The following CASKIN2 variants were observed in gnomAD, a reference collection of about 807,000 sequenced individuals.
CASKIN2 encodes the protein CASK interacting protein 2.
In CASKIN2, 41 loss-of-function variants were observed where a neutral mutation model predicts 107.1. The observed-to-expected ratio is 0.38, with a 90% CI of 0.30 to 0.50. CASKIN2 has a LOEUF of 0.50. Ranked by LOEUF, CASKIN2 falls within the 20% of genes least tolerant of loss-of-function variation. The pLI is 0.92. For missense variants in CASKIN2, 1,546 were observed against 1,657.4 expected, an observed-to-expected ratio of 0.93 and a Z score of 1.17; for synonymous variants, 724 against 705.6, an observed-to-expected ratio of 1.03 and a Z score of -0.41.
Position 75,506,925 on chromosome 17 carries a change from T to C in CASKIN2, c.391-31A>G, listed in dbSNP as rs1486984791. ...GTTGGGGGAGCCGAGTGAGGGGGCC[T>C]GGCCTGTCCGGCACCCCACCCTGCC... On this transcript the variant is annotated intron_variant, in intron 5 of 19. Transcript: ENST00000321617. This position sits in a 1 kb window ranked among gnomAD's most constrained non-coding sequence, Gnocchi z 4.8. 1 of 1,611,924 alleles carries C rather than the reference T, an allele frequency of 6.2e-7. No homozygotes were observed.
In CASKIN2 at chr17:75,505,171, C is replaced by T. The variant is rs1401692185; in HGVS notation, c.931-98G>A. On this transcript the variant is annotated intron_variant, in intron 10 of 19. Transcript: ENST00000321617. The surrounding 1 kb of genome is among the most constrained non-coding windows in gnomAD (Gnocchi z 5.1). ...CTGCGGTCCGGCAACCCTGGTCCAGCTCTTTCCCTACCCCTAAGGAGCTGG... is the reference window on the plus strand; with the variant it reads ...CTGCGGTCCGGCAACCCTGGTCCAGTTCTTTCCCTACCCCTAAGGAGCTGG... The T allele has an allele frequency of 7.5e-7, 1 of 1,341,132 alleles. No homozygotes were observed. Among genetic ancestry groups the T allele is most frequent in the Non-Finnish European group, 1.0e-6 (1 of 958,194 alleles). 83.1% of individuals were successfully genotyped at this position (1,341,132 alleles called of 1,614,324 possible).
chr17:75,506,265 C>A lies in CASKIN2; in HGVS notation c.726+40G>T. 6.5e-7 allele frequency: 1 copy of A among 1,535,568 alleles called. No individual in the cohort carries two copies. Among genetic ancestry groups the A allele is most frequent in the Non-Finnish European group, 9.0e-7 (1 of 1,114,942 alleles). On this transcript the variant is annotated intron_variant, in intron 8 of 19. Transcript: ENST00000321617. The surrounding 1 kb of genome is among the most constrained non-coding windows in gnomAD (Gnocchi z 4.8). The stretch of plus-strand genomic sequence containing the variant: ...GCCAGTCAGGGGCACAGGGCAGAGG[C>A]TCCATGGACACCTGCGAGGGAGCAG...
In CASKIN2 at chr17:75,505,413, G is replaced by T. The variant is rs1374933794; in HGVS notation, c.930+144C>A. 1 of 753,784 alleles carries T rather than the reference G, an allele frequency of 1.3e-6. No individual in the cohort carries two copies. Among genetic ancestry groups the T allele is most frequent in the Non-Finnish European group, 2.3e-6 (1 of 440,396 alleles). The allele number at this position is 753,784 out of a possible 1,614,324, so 46.7% of individuals were successfully genotyped here. ...CATCTGTAAAGAAGAAATGCTAACA[G>T]CACTGCCTTCCCTGGCTTTAAGAAG... On this transcript the variant is annotated intron_variant, in intron 10 of 19. Coordinates refer to ENST00000321617, the MANE Select transcript of CASKIN2 (RefSeq NM_020753.5). This position sits in a 1 kb window ranked among gnomAD's most constrained non-coding sequence, Gnocchi z 5.1.
chr17:75,502,256 G>A lies in CASKIN2; in HGVS notation c.2818C>T (p.Pro940Ser), dbSNP rs746864464. ...TCCCCAGAGCTGCCCCGAGATGGGG[G>A]CGTCCCCTCAGGGCCTGGCTCCTCC... ...EEEEPGPEGT[P>S]PSRGSSGEGL... The change falls in exon 18 of 20, where the codon CCC (proline) becomes TCC (serine). Residue 940 changes from proline (P) to serine (S), a missense_variant. Physicochemically the swap from Pro to Ser is moderately conservative, Grantham distance 74. Coordinates refer to ENST00000321617, the MANE Select transcript of CASKIN2 (RefSeq NM_020753.5). The surrounding 1 kb of genome is among the most constrained non-coding windows in gnomAD (Gnocchi z 4.3). 7.7e-6 allele frequency: 12 copies of A among 1,551,116 alleles called. No individual in the cohort carries two copies. The African/African-American group carries it at 1.1e-4, about 14-fold the overall frequency.
chr17:75,504,686 G>A lies in CASKIN2; in HGVS notation c.1200C>T (p.Asp400=), dbSNP rs1482154574. ...TGCCCTCACTGCCCACACTATTCCT[G>A]TCACCTGCTGTGGGGGGCAGAAGCC... is the stretch of plus-strand genomic sequence containing the variant. ...VGLSPDSPAG[D]RNSVGSEGSV... Residue 400 remains aspartate, a synonymous_variant, in exon 12 of 20, where the codon GAC becomes GAT. Coordinates refer to ENST00000321617, the MANE Select transcript of CASKIN2 (RefSeq NM_020753.5). 9 of 1,594,230 alleles carry A rather than the reference G, an allele frequency of 5.6e-6. No individual in the cohort carries two copies. The highest frequency in any genetic ancestry group is 7.7e-6 in the Non-Finnish European group (9 of 1,167,828).
intron 2 of CASKIN2, among the ~76,000 whole-genome samples, 154 bp from the exon 3 acceptor site, chr17:75,508,439 C>G (rs767147444): frequency 6.6e-6 from 1 of 152,236 alleles, no homozygotes; most frequent in Non-Finnish European, 1.5e-5. Context: ...GGCTCCCCAC[C>G]CTGGCCCACC....
At chr17:75,503,800 TGCTGGGCCCTCCCCCGCCC>T in intron 15 of CASKIN2, 33 bp downstream of exon 15, 1 of 1,610,226 alleles carries the variant, frequency 6.2e-7, no homozygotes, top group Non-Finnish European at 8.5e-7. Flanking sequence ...CTCCCCCGCC[TGCTGGGCCCTCCCCCGCCC>T]GCTGGGTGCT....
chr17:75,505,118 G>A lies in CASKIN2; in HGVS notation c.931-45C>T, dbSNP rs749029956. 73 of 1,594,504 alleles carry A rather than the reference G, an allele frequency of 4.6e-5. No individual in the cohort carries two copies. The highest frequency in any genetic ancestry group is 6.1e-5 in the Non-Finnish European group (71 of 1,172,120). ...GCGGGGACGGTCACTCCCAGCACCA[G>A]GCAAGTGGCAAACGGTTGTCCCTGC... On this transcript the variant is annotated intron_variant, in intron 10 of 19. Coordinates refer to ENST00000321617, the MANE Select transcript of CASKIN2 (RefSeq NM_020753.5). The surrounding 1 kb of genome is among the most constrained non-coding windows in gnomAD (Gnocchi z 5.1).
chr17:75,509,524 G>T (rs1208307416), intron 2 of CASKIN2: 3 of 970,336 alleles, frequency 3.1e-6, no homozygotes, highest in African/African-American at 3.5e-5. Context: ...CAAAGGTAAA[G>T]ACAGAGCCAG....
At chr17:75,501,264 G>A (rs1241402666) in intron 19 of CASKIN2, 94 bp from the exon 20 acceptor site, 1 of 1,293,914 alleles carries the variant, frequency 7.7e-7, no homozygotes, top group African/African-American at 1.5e-5. Context: ...AGAGGCTCAG[G>A]GAGGCAAGGG....
Position 75,501,836 on chromosome 17 carries a change from T to C in CASKIN2, c.3238A>G (p.Asn1080Asp). 6.4e-7 allele frequency: 1 copy of C among 1,556,824 alleles called. No individual in the cohort carries two copies. The highest frequency in any genetic ancestry group is 1.2e-5 in the South Asian group (1 of 80,662). ...GLESSAASRW[N>D]GETEPPAAPA... ...GCGGCCGGGGGTTCTGTCTCCCCAT[T>C]CCACCGACTAGCTGCTGAGCTTTCC... The change falls in exon 18 of 20, where the codon AAT becomes GAT. Residue 1080 changes from asparagine (N) to aspartate (D), a missense_variant. Transcript: ENST00000321617.
intron 19 of CASKIN2, 58 bp from the exon 20 acceptor site, chr17:75,501,228 T>C: frequency 6.8e-7 from 1 of 1,460,170 alleles, no homozygotes; most frequent in Non-Finnish European, 9.3e-7. Context: ...CCACTGGCCC[T>C]GGGGCAGGGA....
At position 75,502,254 on chromosome 17, in the gene CASKIN2, G is replaced by A. The variant is rs758123838; in HGVS notation, c.2820C>T (p.Pro940=). Residue 940 remains proline (P), a synonymous_variant, in exon 18 of 20, where the codon CCC becomes CCT. Coordinates refer to ENST00000321617, the MANE Select transcript of CASKIN2 (RefSeq NM_020753.5). This position sits in a 1 kb window ranked among gnomAD's most constrained non-coding sequence, Gnocchi z 4.3. ...EEEEPGPEGT[P]PSRGSSGEGL... ...CTTCCCCAGAGCTGCCCCGAGATGG[G>A]GGCGTCCCCTCAGGGCCTGGCTCCT... The A allele has an allele frequency of 1.9e-6, 3 of 1,553,610 alleles. No individual in the cohort carries two copies.
Position 75,501,867 on chromosome 17 carries a change from T to G in CASKIN2, c.3207A>C (p.Pro1069=), listed in dbSNP as rs1403494205. Reference sequence around the variant, plus strand: ...GACTAGCTGCTGAGCTTTCCAGACCTGGCCCTGGGCAGGGCGGCACTGGAG... The same window carrying G: ...GACTAGCTGCTGAGCTTTCCAGACCGGGCCCTGGGCAGGGCGGCACTGGAG... The part of the protein sequence containing the change: ...MQPPVPPCPG[P]GLESSAASRW... The change falls in exon 18 of 20, where the codon CCA becomes CCC. Residue 1069 remains proline (P), a synonymous_variant. Transcript: ENST00000321617. The G allele has an allele frequency of 6.4e-7, 1 of 1,562,326 alleles. No homozygotes were observed. The highest frequency in any genetic ancestry group is 1.4e-5 in the African/African-American group (1 of 73,308).
rs540465587 is a variant in CASKIN2, at chr17:75,505,291, G to A, written c.931-218C>T. Reference sequence around the variant, plus strand: ...CCAGGGCGAGCCCCAGTGGCAGCCCGTGGTCAAATCACAGCTCCACTACTT... The same window carrying A: ...CCAGGGCGAGCCCCAGTGGCAGCCCATGGTCAAATCACAGCTCCACTACTT... On this transcript the variant is annotated intron_variant, in intron 10 of 19. Coordinates refer to ENST00000321617, the MANE Select transcript of CASKIN2 (RefSeq NM_020753.5). The surrounding 1 kb of genome is among the most constrained non-coding windows in gnomAD (Gnocchi z 5.1). The A allele has an allele frequency of 5.8e-4, 369 of 639,290 alleles. 2 individuals carry two copies. In the East Asian group the frequency reaches 9.5e-3, roughly 16 times the overall value. The allele number at this position is 639,290 out of a possible 1,614,324, so 39.6% of individuals were successfully genotyped here. A position where few individuals can be genotyped will look rare whatever the true frequency, so the allele number is the denominator to read the frequency against.
At chr17:75,514,615 G>A (rs1192942540) in intron 1 of CASKIN2, among the ~76,000 whole-genome samples, 1 of 152,206 alleles carries the variant, frequency 6.6e-6, no homozygotes, top group African/African-American at 2.4e-5. Flanking sequence ...CAGGCAGGCG[G>A]GCAGGGGTCA....
At chr17:75,503,345 C>CG (rs777858391) in intron 17 of CASKIN2, 44 bp downstream of exon 17, 2 of 1,592,666 alleles carry the variant, frequency 1.3e-6, no homozygotes, top group East Asian at 4.5e-5. Context: ...TTGGAGACCC[C>CG]GGAGGCAGGT....
chr17:75,513,698 A>G lies in CASKIN2; in HGVS notation c.94+13T>C. 2 of 1,609,298 alleles carry G rather than the reference A, an allele frequency of 1.2e-6. No individual in the cohort carries two copies. The highest frequency in any genetic ancestry group is 1.7e-6 in the Non-Finnish European group (2 of 1,177,510). ...TCGGCCTCAGCGGGATGCTCGTCCC[A>G]CCCGGTACTCACTTGTCTTTGTGGC... is the stretch of plus-strand genomic sequence containing the variant. On this transcript the variant is annotated intron_variant, in intron 2 of 19. Coordinates refer to ENST00000321617, the MANE Select transcript of CASKIN2 (RefSeq NM_020753.5).
chr17:75,502,499 A>C lies in CASKIN2; in HGVS notation c.2575T>G (p.Phe859Val). The change falls in exon 18 of 20, where the codon TTT becomes GTT. Residue 859 changes from phenylalanine (F) to valine (V), a missense_variant. Around this residue, in one of 6 missense-constraint regions of CASKIN2, gnomAD observed 1,311 missense variants for 1,311.0 expected, o/e 1.00. Transcript: ENST00000321617. The surrounding 1 kb of genome is among the most constrained non-coding windows in gnomAD (Gnocchi z 4.3). ...CCTTTGCGCCGGGCCCGCAGGGCAA[A>C]GGACTGGCTGCGAGGAGTCCCCCGA... Reference protein sequence around the residue: ...PARGTPRSQSFALRARRKGPP... With the variant: ...PARGTPRSQSVALRARRKGPP... 1 of 1,463,768 alleles carries C rather than the reference A, an allele frequency of 6.8e-7. No homozygotes were observed. Among genetic ancestry groups the C allele is most frequent in the Non-Finnish European group, 9.1e-7 (1 of 1,103,360 alleles). The allele number at this position is 1,463,768 out of a possible 1,614,324, so 90.7% of individuals were successfully genotyped here.
Sources: gnomAD v4.1 joint callset for allele counts (sites outside exome capture counted in the v4.1 genomes callset) on GRCh38, gnomAD v4.1.1 for gene constraint, gnomAD v4.1.1 regional missense constraint, Gnocchi (gnomAD v3.1) non-coding constraint, MANE v1.5 for transcripts, NCBI Gene and HGNC (gene_info 2026-07-23, HGNC 2026-07-21) for gene names.